ARHGAP39: variants seen among roughly 807,000 people sequenced by gnomAD.
ARHGAP39 encodes the protein rho GTPase-activating protein 39.
A neutral mutation model predicts 106.9 loss-of-function variants in ARHGAP39; 44 were observed. The ratio of observed to expected loss-of-function variants is 0.41; its 90% CI spans 0.32 to 0.53. ARHGAP39 has a LOEUF of 0.53. Among genes scored for constraint, ARHGAP39 ranks in the 20% least tolerant of loss-of-function variants. The probability of loss-of-function intolerance (pLI) is 0.21; values close to 1 mark genes in which losing one functional copy is unlikely to be tolerated. For missense variants in ARHGAP39, 1,496 were observed against 1,577.3 expected, an observed-to-expected ratio of 0.95 and a Z score of 0.87; for synonymous variants, 768 against 693.2, an observed-to-expected ratio of 1.11 and a Z score of -1.69.
chr8:144,559,497 T>G (rs1439638158), intron 3 of ARHGAP39, among the ~76,000 whole-genome samples: 1 of 152,130 alleles, frequency 6.6e-6, no homozygotes, highest in Non-Finnish European at 1.5e-5. Flanking sequence ...GATTAAAATT[T>G]TTGTACACAG....
chr8:144,547,704 G>A lies in ARHGAP39; in HGVS notation c.1382C>T (p.Pro461Leu), dbSNP rs745752310. 384 of 1,588,068 alleles carry A rather than the reference G, an allele frequency of 2.4e-4. No individual in the cohort carries two copies. The highest frequency in any genetic ancestry group is 3.0e-4 in the Non-Finnish European group (357 of 1,173,288). Residue 461 changes from proline to leucine, a missense_variant, in exon 5 of 12, where the codon CCG becomes CTG. Physicochemically the swap from Pro to Leu is moderately conservative, Grantham distance 98. Around this residue, in one of 4 missense-constraint regions of ARHGAP39, gnomAD observed 905 missense variants for 816.4 expected, o/e 1.11. Coordinates refer to ENST00000377307, the MANE Select transcript of ARHGAP39 (RefSeq NM_025251.3). This position sits in a 1 kb window ranked among gnomAD's most constrained non-coding sequence, Gnocchi z 5.2. ...CTGGGCCTGTGGCAGCGGCGTGGGC[G>A]GCTGGCTGTGCCGCAGCTCAGGTCC... ...MEGPELRHSQ[P>L]PTPLPQAQED...
intron 1 of ARHGAP39, among the ~76,000 whole-genome samples, chr8:144,642,359 C>T (rs922384467): frequency 2.0e-5 from 3 of 151,976 alleles, no homozygotes; most frequent in African/African-American, 7.3e-5. Flanking sequence ...TGGTGGCGGG[C>T]GCCTGTAGTC....
intron 2 of ARHGAP39, among the ~76,000 whole-genome samples, chr8:144,594,792 T>G (rs1424455833): frequency 2.6e-5 from 4 of 151,302 alleles, no homozygotes; most frequent in Non-Finnish European, 5.9e-5. Context: ...GGCTGAGGCA[T>G]GAGAATCACT....
intron 2 of ARHGAP39, among the ~76,000 whole-genome samples, chr8:144,584,592 G>A (rs1251947734): frequency 1.2e-4 from 18 of 151,950 alleles, no homozygotes; most frequent in East Asian, 5.8e-4. Flanking sequence ...GTGAAACCCC[G>A]TCTCTACTAA....
rs4532636 is a variant in ARHGAP39 at position 144,679,038 on chromosome 8, A to C, written c.-82+6648T>G. On this transcript the variant is annotated intron_variant, in intron 1 of 11. Coordinates refer to ENST00000377307, the MANE Select transcript of ARHGAP39 (RefSeq NM_025251.3). This position sits in a 1 kb window ranked among gnomAD's most constrained non-coding sequence, Gnocchi z 4.7. ...TGAGAGGGGGACCCAGCACGCCAAA[A>C]TTCTAGGTGGTGACCAAGCAGGTGA... 0.64 allele frequency among the ~76,000 whole-genome samples: 97,579 copies of C among 151,992 alleles called. 32,883 individuals carry two copies. The highest frequency in any genetic ancestry group is 0.87 in the African/African-American group (36,015 of 41,518).
chr8:144,582,753 A>G (rs1369014446), intron 2 of ARHGAP39, among the ~76,000 whole-genome samples: 2 of 152,128 alleles, frequency 1.3e-5, no homozygotes, highest in Non-Finnish European at 2.9e-5. Flanking sequence ...CAGAAGTCCA[A>G]TGAAGGAGGG....
rs776878080 is a variant in ARHGAP39 at position 144,545,791 on chromosome 8, C to T, written c.1979G>A (p.Cys660Tyr). The change falls in exon 6 of 12, where the codon TGT becomes TAT. Residue 660 changes from cysteine (C) to tyrosine (Y), a missense_variant. By Grantham distance (194) the Cys-to-Tyr change is radical. This residue lies in a region of ARHGAP39 where 905 missense variants were observed against 816.4 expected (regional missense o/e 1.11). Coordinates refer to ENST00000377307, the MANE Select transcript of ARHGAP39 (RefSeq NM_025251.3). ...CTGCCGGCTGCTCTCGAACTGGGCA[C>T]AGGCAGCGAGGTCCTCAGACTGAGA... ...HPSQSEDLAACAQFESSRQSR... is the reference protein window; with the variant it reads ...HPSQSEDLAAYAQFESSRQSR... 4 of 1,568,728 alleles carry T rather than the reference C, an allele frequency of 2.5e-6. No individual in the cohort carries two copies. Among genetic ancestry groups the T allele is most frequent in the South Asian group, 2.3e-5 (2 of 86,050 alleles).
chr8:144,605,200 G>A (rs899410676), intron 2 of ARHGAP39, among the ~76,000 whole-genome samples: 1 of 152,224 alleles, frequency 6.6e-6, no homozygotes, highest in Non-Finnish European at 1.5e-5. Flanking sequence ...GTTCAAGGCT[G>A]CAGTGAGCTA....
chr8:144,648,230 T>C (rs912871909), intron 1 of ARHGAP39, among the ~76,000 whole-genome samples: 5 of 152,182 alleles, frequency 3.3e-5, no homozygotes, highest in Non-Finnish European at 4.4e-5. Flanking sequence ...GACATGCCAG[T>C]AAGATGGCTC....
At chr8:144,546,587 C>T (rs1817431458) in intron 5 of ARHGAP39, among the ~76,000 whole-genome samples, 1 of 152,244 alleles carries the variant, frequency 6.6e-6, no homozygotes, top group African/African-American at 2.4e-5. Flanking sequence ...ACGTGGCCTC[C>T]ACGGGATCTA....
At chr8:144,545,138 T>C in intron 6 of ARHGAP39, 111 bp downstream of exon 6, 5 of 1,028,074 alleles carry the variant, frequency 4.9e-6, no homozygotes, top group East Asian at 2.7e-5. Context: ...TGTCGAACCA[T>C]GGCCCTGTGT....
At position 144,644,123 on chromosome 8, in the gene ARHGAP39, C is replaced by T. The variant is rs1193227474; in HGVS notation, c.-81-38428G>A. Among the ~76,000 whole-genome samples, 2 of 152,190 alleles carry T rather than the reference C, an allele frequency of 1.3e-5. No individual in the cohort carries two copies. The highest frequency in any genetic ancestry group is 1.9e-4 in the East Asian group (1 of 5,168). ...AGTGAGACCCGGACACGCACATTCC[C>T]GGCAGCACCATTCACAGGAGCCAAA... On this transcript the variant is annotated intron_variant, in intron 1 of 11. Transcript: ENST00000377307. This position sits in a 1 kb window ranked among gnomAD's most constrained non-coding sequence, Gnocchi z 4.8.
chr8:144,557,015 A>G (rs368429234), intron 3 of ARHGAP39, among the ~76,000 whole-genome samples: 2,365 of 140,062 alleles, frequency 0.017, 49 homozygotes, highest in Non-Finnish European at 0.026. Flanking sequence ...CTGAACCTTC[A>G]TAGTATTCAG....
At chr8:144,554,090 G>A (rs1299468902) in intron 4 of ARHGAP39, among the ~76,000 whole-genome samples, 1 of 152,238 alleles carries the variant, frequency 6.6e-6, no homozygotes, top group East Asian at 1.9e-4. Flanking sequence ...TCTGAGAGGG[G>A]CCAAAGGCAC....
rs902909926 is a variant in ARHGAP39 at position 144,671,907 on chromosome 8, C to A, written c.-82+13779G>T. Among the ~76,000 whole-genome samples the A allele has an allele frequency of 3.3e-5, 5 of 152,228 alleles. No individual in the cohort carries two copies. The highest frequency in any genetic ancestry group is 7.3e-5 in the Non-Finnish European group (5 of 68,040). Reference sequence around the variant, plus strand: ...GCGAGATGAGTGTGGGTGGGCCTGGCAAACACAAGACCAGGTGTGAGAGCC... The same window carrying A: ...GCGAGATGAGTGTGGGTGGGCCTGGAAAACACAAGACCAGGTGTGAGAGCC... On this transcript the variant is annotated intron_variant, in intron 1 of 11. Transcript: ENST00000377307. This position sits in a 1 kb window ranked among gnomAD's most constrained non-coding sequence, Gnocchi z 4.5.
intron 1 of ARHGAP39, among the ~76,000 whole-genome samples, chr8:144,629,508 GA>G (rs1821009819): frequency 6.6e-6 from 1 of 152,270 alleles, no homozygotes; most frequent in South Asian, 2.1e-4. Flanking sequence ...AGCCAAGTGT[GA>G]GGGGCTCATC....
intron 1 of ARHGAP39, among the ~76,000 whole-genome samples, chr8:144,635,385 G>A (rs536440939): frequency 6.6e-6 from 1 of 152,302 alleles, no homozygotes; most frequent in African/African-American, 2.4e-5. Context: ...CTGAACACAT[G>A]GGGGGAGGTT....
chr8:144,605,610 G>A lies in ARHGAP39; in HGVS notation c.5C>T (p.Ser2Phe), dbSNP rs1223967204. 8.7e-6 allele frequency: 14 copies of A among 1,613,200 alleles called. No homozygotes were observed. Among genetic ancestry groups the A allele is most frequent in the Non-Finnish European group, 1.2e-5 (14 of 1,180,038 alleles). The change falls in exon 2 of 12, where the codon TCC (serine) becomes TTC (phenylalanine). Residue 2 changes from serine to phenylalanine, a missense_variant. Physicochemically the swap from Ser to Phe is radical, Grantham distance 155. Transcript: ENST00000377307. The stretch of plus-strand genomic sequence containing the variant: ...CCTGCACTCGTAGTCCTGCGTCTGG[G>A]ACATCGCTGTTTGCTTCCGCGCCCA... The part of the protein sequence containing the change: M[S>F]QTQDYECRSH...
chr8:144,631,851 G>A (rs995475634), intron 1 of ARHGAP39, among the ~76,000 whole-genome samples: 6 of 152,220 alleles, frequency 3.9e-5, no homozygotes, highest in Admixed American at 1.3e-4. Context: ...CCTCCACACC[G>A]GGCAGGGCAA....
Sources: gnomAD v4.1 joint callset for allele counts (sites outside exome capture counted in the v4.1 genomes callset) on GRCh38, gnomAD v4.1.1 for gene constraint, gnomAD v4.1.1 regional missense constraint, Gnocchi (gnomAD v3.1) non-coding constraint, MANE v1.5 for transcripts, NCBI Gene and HGNC (gene_info 2026-07-23, HGNC 2026-07-21) for gene names.